The following MYO1B variants were observed in gnomAD, a reference collection of about 807,000 sequenced individuals.
The protein encoded by MYO1B is unconventional myosin-Ib.
Under a neutral mutation model 159.7 loss-of-function variants are expected in MYO1B, and 72 were observed. The ratio of observed to expected loss-of-function variants is 0.45; its 90% CI spans 0.37 to 0.55. The LOEUF (loss-of-function observed/expected upper bound fraction) is 0.55, where lower values mean the gene tolerates loss of function less well. Ranked by LOEUF, MYO1B falls within the 20% of genes least tolerant of loss-of-function variation. The pLI, the probability that MYO1B is intolerant of heterozygous loss-of-function variation, is 0.00. For missense variants in MYO1B, 1,062 were observed against 1,364.8 expected, an observed-to-expected ratio of 0.78 and a Z score of 3.50; for synonymous variants, 468 against 473.8, an observed-to-expected ratio of 0.99 and a Z score of 0.16.
intron 2 of MYO1B, among the ~76,000 whole-genome samples, chr2:191,283,831 T>A (rs757603370): frequency 1.3e-5 from 2 of 152,230 alleles, no homozygotes; most frequent in Non-Finnish European, 2.9e-5. Context: ...GGTATGATAT[T>A]GAAGAATGTG....
chr2:191,326,815 TGC>T (rs1553542801), intron 3 of MYO1B, among the ~76,000 whole-genome samples: 9 of 143,984 alleles, frequency 6.3e-5, no homozygotes, highest in East Asian at 4.1e-4. Flanking sequence ...TGTGTGTGTG[TGC>T]GCGCGCCATA....
At chr2:191,413,919 A>G (rs1397268274) in intron 27 of MYO1B, 129 bp from the exon 28 acceptor site, 2 of 923,100 alleles carry the variant, frequency 2.2e-6, no homozygotes, top group African/African-American at 1.7e-5. Context: ...AGTGTAATAT[A>G]TAAAATAAAT....
intron 1 of MYO1B, among the ~76,000 whole-genome samples, chr2:191,268,245 T>C (rs958436559): frequency 6.6e-6 from 1 of 152,232 alleles, no homozygotes; most frequent in Non-Finnish European, 1.5e-5. Context: ...ATTCAGTTTC[T>C]GGTGAGGGTC....
intron 2 of MYO1B, among the ~76,000 whole-genome samples, chr2:191,286,341 T>TAAA (rs879581144): frequency 7.0e-6 from 1 of 142,954 alleles, no homozygotes; most frequent in African/African-American, 2.5e-5. Flanking sequence ...ACTGTGTCTT[T>TAAA]AAAAAAAAAA....
intron 4 of MYO1B, among the ~76,000 whole-genome samples, chr2:191,334,114 A>C (rs971317494): frequency 7.3e-6 from 1 of 137,444 alleles, no homozygotes; most frequent in African/African-American, 2.6e-5. Flanking sequence ...TTTGTGACTA[A>C]CGGTTTTTTT....
At chr2:191,260,175 T>C (rs13025919) in intron 1 of MYO1B, among the ~76,000 whole-genome samples, 42,494 of 150,234 alleles carry the variant, frequency 0.28, 6,461 homozygotes, top group Middle Eastern at 0.46. Flanking sequence ...TAAAATAAGA[T>C]TGAGTGGGTA....
chr2:191,409,385 C>T (rs1186266403), intron 26 of MYO1B, among the ~76,000 whole-genome samples: 3 of 152,216 alleles, frequency 2.0e-5, no homozygotes, highest in Non-Finnish European at 4.4e-5. Flanking sequence ...GGTCGCCTCT[C>T]GGCCCTGGCT....
At chr2:191,292,779 G>T (rs1688761178) in intron 2 of MYO1B, among the ~76,000 whole-genome samples, 1 of 148,762 alleles carries the variant, frequency 6.7e-6, no homozygotes, top group South Asian at 2.1e-4. Context: ...GTTTACATAG[G>T]TGTATCAGTT....
At chr2:191,262,723 C>T (rs1294221852) in intron 1 of MYO1B, among the ~76,000 whole-genome samples, 1 of 152,128 alleles carries the variant, frequency 6.6e-6, no homozygotes, top group Non-Finnish European at 1.5e-5. Flanking sequence ...GTTCATCAGG[C>T]TCCTATACCG....
chr2:191,383,550 A>G (rs1239151556), intron 15 of MYO1B, among the ~76,000 whole-genome samples: 1 of 15,198 alleles, frequency 6.6e-5, no homozygotes, highest in Non-Finnish European at 1.7e-3. Context: ...ACACACACAT[A>G]TATATATATG....
chr2:191,284,153 T>C (rs975969958), intron 2 of MYO1B, among the ~76,000 whole-genome samples: 1 of 152,150 alleles, frequency 6.6e-6, no homozygotes, highest in Non-Finnish European at 1.5e-5. Flanking sequence ...TCTTCACCTT[T>C]ATGAGCACGA....
intron 13 of MYO1B, among the ~76,000 whole-genome samples, chr2:191,379,795 A>C (rs949479140): frequency 6.6e-6 from 1 of 152,194 alleles, no homozygotes; most frequent in African/African-American, 2.4e-5. Flanking sequence ...TAGCAAAGCA[A>C]TTGAGACTTT....
In MYO1B at chr2:191,397,244, G is replaced by A. The variant is rs1254728674; in HGVS notation, c.2295+747G>A. Among the ~76,000 whole-genome samples, 4 of 145,702 alleles carry A rather than the reference G, an allele frequency of 2.7e-5. No homozygotes were observed. In the Admixed American group the frequency reaches 2.8e-4, roughly 10 times the overall value. ...ATTCTTGGGTGTTTCTCGCAGAGGGGGATTTGGCAGGGTCATAGGACAATA... is the reference window on the plus strand; with the variant it reads ...ATTCTTGGGTGTTTCTCGCAGAGGGAGATTTGGCAGGGTCATAGGACAATA... On this transcript the variant is annotated intron_variant, in intron 21 of 30. Coordinates refer to ENST00000392318, the MANE Select transcript of MYO1B (RefSeq NM_001130158.3).
At position 191,402,635 on chromosome 2, in the gene MYO1B, C is replaced by T. The variant is rs777573572; in HGVS notation, c.2473C>T (p.Arg825Ter). 5 of 1,613,334 alleles carry T rather than the reference C, an allele frequency of 3.1e-6. No homozygotes were observed. The highest frequency in any genetic ancestry group is 1.3e-5 in the African/African-American group (1 of 75,004). The part of the protein sequence containing the change: ...IWAYWLGSKA[R>*]RELKRLKEEA... Reference sequence around the variant, plus strand: ...TTTACTATCTAAAACATTCTAGGCTCGAAGGGAATTGAAACGCTTGAAGGA... The same window carrying T: ...TTTACTATCTAAAACATTCTAGGCTTGAAGGGAATTGAAACGCTTGAAGGA... The change falls in exon 24 of 31, where the codon CGA becomes TGA. Residue 825 changes from arginine (R) to a stop codon, truncating the protein, a stop_gained. Coordinates refer to ENST00000392318, the MANE Select transcript of MYO1B (RefSeq NM_001130158.3). LOFTEE classifies it high-confidence loss of function.
intron 4 of MYO1B, among the ~76,000 whole-genome samples, chr2:191,332,202 A>G (rs1175618817): frequency 1.3e-5 from 2 of 152,148 alleles, no homozygotes; most frequent in African/African-American, 4.8e-5. Context: ...ACCTCAGGTG[A>G]TCCACCCACC....
intron 13 of MYO1B, among the ~76,000 whole-genome samples, chr2:191,380,397 A>C (rs907988296): frequency 6.6e-6 from 1 of 152,200 alleles, no homozygotes; most frequent in African/African-American, 2.4e-5. Flanking sequence ...TCATTAGACC[A>C]GGACTGGCCA....
chr2:191,316,182 G>A lies in MYO1B; in HGVS notation c.252-13753G>A, dbSNP rs184839037. On this transcript the variant is annotated intron_variant, in intron 3 of 30. Coordinates refer to ENST00000392318, the MANE Select transcript of MYO1B (RefSeq NM_001130158.3). ...ATTGGAGGTTTTATTCTCTGGTAAG[G>A]GCTTAGAGTACACAATTTCCACTGC... Among the ~76,000 whole-genome samples, 125 of 152,154 alleles carry A rather than the reference G, an allele frequency of 8.2e-4. 1 individual carries two copies. Among genetic ancestry groups the A allele is most frequent in the Non-Finnish European group, 1.1e-3 (73 of 67,980 alleles).
intron 13 of MYO1B, among the ~76,000 whole-genome samples, chr2:191,371,496 C>G (rs1694362135): frequency 6.6e-6 from 1 of 152,124 alleles, no homozygotes; most frequent in Admixed American, 6.6e-5. Flanking sequence ...CATGAAGTAG[C>G]TGTTATTATT....
chr2:191,355,234 A>G (rs189007007), intron 7 of MYO1B, among the ~76,000 whole-genome samples: 14 of 152,344 alleles, frequency 9.2e-5, no homozygotes, highest in Admixed American at 8.5e-4. Flanking sequence ...TCGCCAGCAG[A>G]CAACCAACCC....
Sources: gnomAD v4.1 joint callset for allele counts (sites outside exome capture counted in the v4.1 genomes callset) on GRCh38, gnomAD v4.1.1 for gene constraint, MANE v1.5 for transcripts, NCBI Gene and HGNC (gene_info 2026-07-23, HGNC 2026-07-21) for gene names.